ELK3: variants seen among roughly 807,000 people sequenced by gnomAD.
ELK3 encodes the protein ETS domain-containing protein Elk-3.
Under a neutral mutation model 28.9 loss-of-function variants are expected in ELK3, and 10 were observed. The observed-to-expected ratio is 0.35, with a 90% CI of 0.21 to 0.59. The LOEUF is 0.59. Ranked by LOEUF, ELK3 falls within the 20% of genes least tolerant of loss-of-function variation. ELK3 has a pLI of 0.82. For missense variants in ELK3, 463 were observed against 517.3 expected (o/e 0.90, Z 1.02); for synonymous variants, 272 against 243.5 (o/e 1.12, Z -1.09).
At chr12:96,258,081 T>A (rs1457870787) in intron 3 of ELK3, among the ~76,000 whole-genome samples, 4 of 152,166 alleles carry the variant, frequency 2.6e-5, no homozygotes, top group African/African-American at 9.7e-5. Flanking sequence ...TTCTCCCCAT[T>A]TTACAGATGA....
intron 3 of ELK3, among the ~76,000 whole-genome samples, chr12:96,250,183 G>C (rs1481081070): frequency 6.6e-6 from 1 of 152,232 alleles, no homozygotes; most frequent in Non-Finnish European, 1.5e-5. Flanking sequence ...TACACTGGGA[G>C]ATGGTAGAGC....
intron 4 of ELK3, among the ~76,000 whole-genome samples, chr12:96,262,022 T>G: frequency 7.1e-6 from 1 of 140,210 alleles, no homozygotes; most frequent in Non-Finnish European, 1.6e-5. Flanking sequence ...AAAAACTTTT[T>G]TTTTTTTTTT....
chr12:96,250,674 T>C (rs1951898064), intron 3 of ELK3, among the ~76,000 whole-genome samples: 1 of 152,218 alleles, frequency 6.6e-6, no homozygotes, highest in Non-Finnish European at 1.5e-5. Context: ...TTCAGTGGTT[T>C]TCCTCTTACC....
intron 1 of ELK3, among the ~76,000 whole-genome samples, chr12:96,209,211 T>C (rs1157201879): frequency 1.3e-5 from 2 of 152,142 alleles, no homozygotes; most frequent in African/African-American, 2.4e-5. Context: ...AGAGAGGAGC[T>C]AACACATGAG....
At chr12:96,249,982 G>A (rs907123313) in intron 3 of ELK3, among the ~76,000 whole-genome samples, 11 of 152,292 alleles carry the variant, frequency 7.2e-5, no homozygotes, top group Middle Eastern at 3.4e-3. Context: ...CTGTGAGGGT[G>A]GGGCTGTGAT....
chr12:96,257,205 G>A lies in ELK3; in HGVS notation c.1003-2526G>A, dbSNP rs1951957234. On this transcript the variant is annotated intron_variant, in intron 3 of 4. Transcript: ENST00000228741. ...AGGCTGTGAAGTCTCACACTGTCCC[G>A]GAGATAACCCAGAGCAGGTGTTATA... Among the ~76,000 whole-genome samples, 7 of 152,152 alleles carry A rather than the reference G, an allele frequency of 4.6e-5. No individual in the cohort carries two copies. In the South Asian group the frequency reaches 1.0e-3, roughly 22 times the overall value.
At chr12:96,208,852 G>A (rs568915030) in intron 1 of ELK3, among the ~76,000 whole-genome samples, 1 of 152,324 alleles carries the variant, frequency 6.6e-6, no homozygotes, top group Admixed American at 6.5e-5. Context: ...GGAGGTCCCG[G>A]GCCAGGTGCA....
chr12:96,212,929 A>G lies in ELK3; in HGVS notation c.-2-10636A>G, dbSNP rs1156670174. ...TAGCTCATTTTGGAAGAGTCTGTGA[A>G]GTCAGATCTTACAATACCCATCTTA... is the stretch of plus-strand genomic sequence containing the variant. On this transcript the variant is annotated intron_variant, in intron 1 of 4. Coordinates refer to ENST00000228741, the MANE Select transcript of ELK3 (RefSeq NM_005230.4). The G allele has an allele frequency of 2.6e-5, 4 of 152,310 alleles. No homozygotes were observed. The East Asian group carries it at 7.7e-4, about 29-fold the overall frequency. The allele number at this position is 152,310 out of a possible 1,614,324, so 9.4% of individuals were successfully genotyped here.
intron 1 of ELK3, among the ~76,000 whole-genome samples, chr12:96,196,212 G>A (rs912036061): frequency 5.3e-5 from 8 of 152,338 alleles, no homozygotes; most frequent in South Asian, 2.1e-4. Flanking sequence ...GCTGGGGAAG[G>A]AGACAAGTTA....
chr12:96,222,690 A>G (rs904471851), intron 1 of ELK3: 1 of 152,262 alleles, frequency 6.6e-6, no homozygotes, highest in African/African-American at 2.4e-5. Flanking sequence ...CAGGAGAGAT[A>G]TTCCAGGCAC....
intron 2 of ELK3, among the ~76,000 whole-genome samples, chr12:96,245,137 C>G (rs1019374560): frequency 6.6e-6 from 1 of 152,124 alleles, no homozygotes; most frequent in African/African-American, 2.4e-5. Flanking sequence ...TGTATGAGAT[C>G]TCCTGTGCTG....
Position 96,252,911 on chromosome 12 carries a change from T to A in ELK3, c.1002+5177T>A, listed in dbSNP as rs567011525. 2.3e-3 allele frequency among the ~76,000 whole-genome samples: 343 copies of A among 152,350 alleles called. 1 individual carries two copies. The highest frequency in any genetic ancestry group is 5.9e-3 in the Admixed American group (90 of 15,298). On this transcript the variant is annotated intron_variant, in intron 3 of 4. Transcript: ENST00000228741. ...TCCAATTTTGAAAGAAGTTCTACTCTGGGTAAAATGCTATCAAACAGCATC... is the reference window on the plus strand; with the variant it reads ...TCCAATTTTGAAAGAAGTTCTACTCAGGGTAAAATGCTATCAAACAGCATC...
At chr12:96,217,577 G>A (rs1951627579) in intron 1 of ELK3, among the ~76,000 whole-genome samples, 1 of 152,042 alleles carries the variant, frequency 6.6e-6, no homozygotes, top group Non-Finnish European at 1.5e-5. Flanking sequence ...AATCTCGAAC[G>A]TGTTCATTTT....
intron 2 of ELK3, among the ~76,000 whole-genome samples, chr12:96,243,179 C>T (rs1230553857): frequency 1.3e-5 from 2 of 152,196 alleles, no homozygotes; most frequent in Non-Finnish European, 2.9e-5. Flanking sequence ...ATAAAATTCA[C>T]ATACCATACA....
intron 1 of ELK3, among the ~76,000 whole-genome samples, chr12:96,218,278 T>C (rs1565780359): frequency 2.0e-5 from 3 of 152,106 alleles, no homozygotes. Context: ...CCAGAAAGTA[T>C]CAGATGTGAA....
intron 2 of ELK3, among the ~76,000 whole-genome samples, chr12:96,227,807 C>T (rs755526555): frequency 6.6e-6 from 1 of 152,206 alleles, no homozygotes; most frequent in African/African-American, 2.4e-5. Flanking sequence ...GTTGCCTAAT[C>T]TCTCTGAGTC....
intron 3 of ELK3, among the ~76,000 whole-genome samples, chr12:96,251,595 T>C (rs953898740): frequency 3.3e-5 from 5 of 151,914 alleles, no homozygotes; most frequent in African/African-American, 1.2e-4. Flanking sequence ...CTGAAGGAAA[T>C]GAAAGTGCTA....
At chr12:96,240,592 GCT>G (rs1266701751) in intron 2 of ELK3, among the ~76,000 whole-genome samples, 1 of 152,176 alleles carries the variant, frequency 6.6e-6, no homozygotes, top group Non-Finnish European at 1.5e-5. Context: ...AAGGTCCCCT[GCT>G]CTGTCCCCCT....
chr12:96,244,851 A>G (rs1309884267), intron 2 of ELK3, among the ~76,000 whole-genome samples: 1 of 152,098 alleles, frequency 6.6e-6, no homozygotes, highest in Non-Finnish European at 1.5e-5. Context: ...GACCCAGGGC[A>G]CTCGGCAGAG....
Sources: gnomAD v4.1 joint callset for allele counts (sites outside exome capture counted in the v4.1 genomes callset) on GRCh38, gnomAD v4.1.1 for gene constraint, MANE v1.5 for transcripts, NCBI Gene and HGNC (gene_info 2026-07-23, HGNC 2026-07-21) for gene names.